The following ENOSF1 variants were observed in gnomAD, a reference collection of about 807,000 sequenced individuals.
ENOSF1 encodes the protein enolase superfamily member 1, also known as mitochondrial enolase superfamily member 1.
A neutral mutation model predicts 68.2 loss-of-function variants in ENOSF1; 73 were observed. That is an observed-to-expected ratio of 1.07 (90% CI 0.89 to 1.30). ENOSF1 has a LOEUF of 1.30. Among genes scored for constraint, ENOSF1 ranks in the 50% most tolerant of loss-of-function variants. The pLI, the probability that ENOSF1 is intolerant of heterozygous loss-of-function variation, is 0.00. For missense variants in ENOSF1, 589 were observed against 554.5 expected, an observed-to-expected ratio of 1.06 and a Z score of -0.62; for synonymous variants, 223 against 210.4, an observed-to-expected ratio of 1.06 and a Z score of -0.52.
chr18:693,004 C>A, intron 5 of ENOSF1: 1 of 1,187,818 alleles, frequency 8.4e-7, no homozygotes, highest in Non-Finnish European at 1.1e-6. Context: ...TAACCGCCAC[C>A]CAGGTGTTGC....
At chr18:704,931 T>TG (rs962969667) in intron 2 of ENOSF1, among the ~76,000 whole-genome samples, 3 of 136,326 alleles carry the variant, frequency 2.2e-5, no homozygotes, top group Non-Finnish European at 3.1e-5. Flanking sequence ...AAAATTACTT[T>TG]GGTGCCTGAT....
Position 672,924 on chromosome 18 carries a change from A to C in ENOSF1, c.*1381T>G. ...CTTCGAAAAGTTGAGAAAATTGATG[A>C]CTTCAAAGCTGAAGACTTTCAGATT... On this transcript the variant is annotated 3_prime_UTR_variant, in exon 16 of 16. Transcript: ENST00000647584. The C allele has an allele frequency of 1.3e-6, 2 of 1,597,314 alleles. No homozygotes were observed. The highest frequency in any genetic ancestry group is 1.7e-6 in the Non-Finnish European group (2 of 1,166,984).
intron 14 of ENOSF1, 26 bp downstream of exon 14, chr18:677,319 G>C (rs369817288): frequency 1.3e-6 from 2 of 1,588,856 alleles, no homozygotes; most frequent in African/African-American, 1.3e-5. Context: ...TACTGAAACA[G>C]AAAGTATTAA....
rs755346168 is a variant in ENOSF1 at position 690,732 on chromosome 18, C to CCCCTGGAGAGTCCAGCTGTTA, written c.536-102_536-101insTAACAGCTGGACTCTCCAGGG. ...GTTTCCCCTGGAGAGTCCAGCTGTT[C>CCCCTGGAGAGTCCAGCTGTTA]TCCTGATCCGGCCCTGCACACACAC... On this transcript the variant is annotated intron_variant, in intron 7 of 15. Coordinates refer to ENST00000647584, the MANE Select transcript of ENOSF1 (RefSeq NM_017512.7). The CCCCTGGAGAGTCCAGCTGTTA allele has an allele frequency of 4.1e-6, 5 of 1,209,526 alleles. No homozygotes were observed. In the South Asian group the frequency reaches 7.4e-5, roughly 18 times the overall value. The allele number at this position is 1,209,526 out of a possible 1,614,324, so 74.9% of individuals were successfully genotyped here. A position where few individuals can be genotyped will look rare whatever the true frequency, so the allele number is the denominator to read the frequency against.
intron 5 of ENOSF1, 31 bp from the exon 6 acceptor site, chr18:691,307 G>A: frequency 6.4e-7 from 1 of 1,559,336 alleles, no homozygotes; most frequent in Non-Finnish European, 8.8e-7. Flanking sequence ...GAAGAGGCCT[G>A]AATCAATTAT....
In ENOSF1 at chr18:670,357, G is replaced by A. The variant is rs921965815; in HGVS notation, c.*3948C>T. ...ATAGAGACTTTTAATATAGGAGGGT[G>A]TACCAGAAGCACCAGTTTCCTGTGG... On this transcript the variant is annotated 3_prime_UTR_variant, in exon 16 of 16. Coordinates refer to ENST00000647584, the MANE Select transcript of ENOSF1 (RefSeq NM_017512.7). The A allele has an allele frequency of 5.8e-5, 13 of 224,434 alleles. No homozygotes were observed. Among genetic ancestry groups the A allele is most frequent in the Non-Finnish European group, 1.1e-4 (12 of 113,068 alleles). The allele number at this position is 224,434 out of a possible 1,614,324, so 13.9% of individuals were successfully genotyped here.
intron 8 of ENOSF1, among the ~76,000 whole-genome samples, chr18:689,606 G>T (rs570443422): frequency 1.3e-5 from 2 of 152,146 alleles, no homozygotes; most frequent in South Asian, 2.1e-4. Flanking sequence ...AGGTGAACAG[G>T]AAAGTATTAA....
intron 5 of ENOSF1, chr18:693,188 G>A: frequency 7.8e-7 from 1 of 1,289,070 alleles, no homozygotes; most frequent in Non-Finnish European, 1.0e-6. Flanking sequence ...GCTATGAAAA[G>A]GTCAAGGAGA....
chr18:680,216 C>A (rs1396984098), intron 11 of ENOSF1, among the ~76,000 whole-genome samples: 1 of 152,214 alleles, frequency 6.6e-6, no homozygotes, highest in East Asian at 1.9e-4. Context: ...TTGGGCAAGC[C>A]CCGCCTGTGC....
Position 692,592 on chromosome 18 carries a change from C to T in ENOSF1, c.423+1290G>A, listed in dbSNP as rs538873755. 1.8e-5 allele frequency: 10 copies of T among 568,818 alleles called. 1 individual carries two copies. In the Admixed American group the frequency reaches 4.3e-4, roughly 25 times the overall value. The allele number at this position is 568,818 out of a possible 1,614,324, so 35.2% of individuals were successfully genotyped here. A position where few individuals can be genotyped will look rare whatever the true frequency, so the allele number is the denominator to read the frequency against. ...AGCCTGGGCAACAAGAAGAAAACTC[C>T]GTCTAAAAAAAAAAAAAAGAAAGAA... On this transcript the variant is annotated intron_variant, in intron 5 of 15. Coordinates refer to ENST00000647584, the MANE Select transcript of ENOSF1 (RefSeq NM_017512.7).
chr18:701,280 C>T, intron 2 of ENOSF1, among the ~76,000 whole-genome samples: 1 of 152,096 alleles, frequency 6.6e-6, no homozygotes, highest in South Asian at 2.1e-4. Flanking sequence ...AAACTACAGA[C>T]TTTGGGTGAT....
Position 677,799 on chromosome 18 carries a change from C to A in ENOSF1, c.992G>T (p.Arg331Ile), listed in dbSNP as rs2075665081. Residue 331 changes from arginine (R) to isoleucine (I), a missense_variant, in exon 13 of 16, where the codon AGA becomes ATA. Transcript: ENST00000647584. The stretch of plus-strand genomic sequence containing the variant: ...GAGGTTCTCATTGACACTGCCCAGT[C>A]TGCAACTGTCAATCTGGAGGAACTG... The part of the protein sequence containing the change: ...ALQFLQIDSC[R>I]LGSVNENLSV... The A allele has an allele frequency of 6.2e-7, 1 of 1,614,048 alleles. No individual in the cohort carries two copies. The highest frequency in any genetic ancestry group is 8.5e-7 in the Non-Finnish European group (1 of 1,180,024).
rs2144402348 is a variant in ENOSF1, at chr18:672,236, G to T, written c.*2069C>A. 1 of 152,336 alleles carries T rather than the reference G, an allele frequency of 6.6e-6. No individual in the cohort carries two copies. The highest frequency in any genetic ancestry group is 2.1e-4 in the South Asian group (1 of 4,824). 9.4% of individuals were successfully genotyped at this position (152,336 alleles called of 1,614,324 possible). ...CATGAGCCTTAAGGAAAAAAACTCA[G>T]AACCAGACACTTTTTAGCCCCTTCC... On this transcript the variant is annotated 3_prime_UTR_variant, in exon 16 of 16. Coordinates refer to ENST00000647584, the MANE Select transcript of ENOSF1 (RefSeq NM_017512.7).
chr18:708,823 G>C (rs555634299), intron 1 of ENOSF1, among the ~76,000 whole-genome samples: 7 of 152,258 alleles, frequency 4.6e-5, no homozygotes, highest in African/African-American at 1.4e-4. Context: ...TTCAAGTGTT[G>C]GTGCCCACCT....
chr18:693,021 G>A, intron 5 of ENOSF1: 1 of 1,241,064 alleles, frequency 8.1e-7, no homozygotes, highest in South Asian at 1.4e-5. Flanking sequence ...TTGCACTGAG[G>A]CCACCGCAGC....
chr18:671,544 AT>A lies in ENOSF1; in HGVS notation c.*2760del. ...GCATCTGCTCAATGCTGTGTCCAAG[AT>A]AAAGATGACTGCTCCAAATGTGGGG... On this transcript the variant is annotated 3_prime_UTR_variant, in exon 16 of 16. Transcript: ENST00000647584. 1.2e-6 allele frequency: 1 copy of A among 861,376 alleles called. No homozygotes were observed. Among genetic ancestry groups the A allele is most frequent in the Non-Finnish European group, 1.9e-6 (1 of 513,656 alleles). 53.4% of individuals were successfully genotyped at this position (861,376 alleles called of 1,614,324 possible).
intron 9 of ENOSF1, 102 bp downstream of exon 9, chr18:688,472 C>A (rs1033278204): frequency 6.6e-7 from 1 of 1,503,794 alleles, no homozygotes; most frequent in African/African-American, 1.4e-5. Context: ...GGGATCCTAG[C>A]CCGTGGGTGC....
intron 1 of ENOSF1, chr18:712,281 C>T: frequency 6.5e-7 from 1 of 1,530,494 alleles, no homozygotes; most frequent in South Asian, 1.2e-5. Flanking sequence ...GCAATGGGTT[C>T]GAAGTCGGGA....
downstream of ENOSF1, among the ~76,000 whole-genome samples, chr18:667,089 TGATGGA>T (rs1220451138): frequency 2.7e-3 from 136 of 50,166 alleles, 14 homozygotes; most frequent in Non-Finnish European, 3.6e-3. Context: ...ATGGTGATGG[TGATGGA>T]GATGGAGATG....
Sources: gnomAD v4.1 joint callset for allele counts (sites outside exome capture counted in the v4.1 genomes callset) on GRCh38, gnomAD v4.1.1 for gene constraint, MANE v1.5 for transcripts, NCBI Gene and HGNC (gene_info 2026-07-23, HGNC 2026-07-21) for gene names.